CPQ: variants seen among roughly 807,000 people sequenced by gnomAD.
The protein encoded by CPQ is Ser-Met dipeptidase.
CPQ carries 37 observed loss-of-function variants against 45.7 expected under a neutral mutation model. The observed-to-expected ratio is 0.81, with a 90% CI of 0.62 to 1.07. The LOEUF (loss-of-function observed/expected upper bound fraction) is 1.07, where lower values mean the gene tolerates loss of function less well. Ranked by LOEUF, CPQ falls within the 50% of genes least tolerant of loss-of-function variation. The pLI, the probability that CPQ is intolerant of heterozygous loss-of-function variation, is 0.00. For synonymous variants in CPQ, 186 were observed against 205.8 expected, an observed-to-expected ratio of 0.90 and a Z score of 0.82; for missense variants, 537 against 572.9, an observed-to-expected ratio of 0.94 and a Z score of 0.64.
At chr8:96,946,796 T>G (rs2130330906) in intron 4 of CPQ, among the ~76,000 whole-genome samples, 1 of 152,228 alleles carries the variant, frequency 6.6e-6, no homozygotes, top group East Asian at 1.9e-4. Flanking sequence ...AGCTGCTCCC[T>G]TTGGCTGTAG....
At chr8:97,139,999 T>A (rs1812131695) in intron 7 of CPQ, among the ~76,000 whole-genome samples, 1 of 143,176 alleles carries the variant, frequency 7.0e-6, no homozygotes. Flanking sequence ...ACTGACAAAC[T>A]GCAAGCAAGA....
chr8:97,122,334 T>G (rs936523826), intron 7 of CPQ, among the ~76,000 whole-genome samples: 1 of 152,124 alleles, frequency 6.6e-6, no homozygotes, highest in African/African-American at 2.4e-5. Flanking sequence ...ATCACTGATG[T>G]TTTTTGAGAA....
intron 7 of CPQ, among the ~76,000 whole-genome samples, chr8:97,095,497 T>G (rs1811196404): frequency 6.6e-6 from 1 of 152,168 alleles, no homozygotes; most frequent in Non-Finnish European, 1.5e-5. Context: ...TTGCTCCCAG[T>G]TGTCTTCCCA....
At chr8:96,757,015 T>C (rs536905018) in intron 1 of CPQ, among the ~76,000 whole-genome samples, 1 of 152,238 alleles carries the variant, frequency 6.6e-6, no homozygotes, top group East Asian at 1.9e-4. Context: ...TTTTCCCTAA[T>C]CCTTGACTGA....
At chr8:96,926,975 G>A (rs1386868618) in intron 4 of CPQ, among the ~76,000 whole-genome samples, 1 of 152,154 alleles carries the variant, frequency 6.6e-6, no homozygotes, top group African/African-American at 2.4e-5. Context: ...TGACATAAAA[G>A]AATATCTTTG....
At chr8:96,821,733 C>T (rs1186270384) in intron 2 of CPQ, among the ~76,000 whole-genome samples, 1 of 151,848 alleles carries the variant, frequency 6.6e-6, no homozygotes, top group African/African-American at 2.4e-5. Flanking sequence ...TAAATTCTCT[C>T]TCCTTTCTTT....
chr8:97,121,093 A>T (rs986644442), intron 7 of CPQ, among the ~76,000 whole-genome samples: 4 of 150,556 alleles, frequency 2.7e-5, no homozygotes, highest in African/African-American at 9.7e-5. Context: ...AGTGGCACTG[A>T]CTTTATAATT....
chr8:96,769,741 C>T (rs940202026), intron 1 of CPQ, among the ~76,000 whole-genome samples: 29 of 149,862 alleles, frequency 1.9e-4, no homozygotes, highest in East Asian at 1.2e-3. Flanking sequence ...AAACAATTCT[C>T]ACACCTCAGC....
chr8:96,709,716 A>C (rs1009225322), intron 1 of CPQ, among the ~76,000 whole-genome samples: 1 of 152,164 alleles, frequency 6.6e-6, no homozygotes, highest in African/African-American at 2.4e-5. Flanking sequence ...CCATCTCTGC[A>C]TCCTTGGGAT....
At chr8:96,802,123 T>A (rs2130822930) in intron 2 of CPQ, among the ~76,000 whole-genome samples, 1 of 152,296 alleles carries the variant, frequency 6.6e-6, no homozygotes, top group African/African-American at 2.4e-5. Context: ...TGTCTCTTTC[T>A]TTATTTTTGA....
intron 2 of CPQ, among the ~76,000 whole-genome samples, chr8:96,809,158 CTTA>C (rs957254105): frequency 1.3e-5 from 2 of 151,754 alleles, no homozygotes; most frequent in African/African-American, 4.8e-5. Context: ...TAAATATATG[CTTA>C]TTATACATAT....
intron 5 of CPQ, among the ~76,000 whole-genome samples, chr8:96,995,627 AGATCT>A (rs918707599): frequency 3.0e-4 from 45 of 151,774 alleles, no homozygotes; most frequent in Admixed American, 2.7e-3. Context: ...GCTCAGATAA[AGATCT>A]GAGCTGAAAT....
At chr8:97,011,668 A>G (rs1809486674) in intron 5 of CPQ, among the ~76,000 whole-genome samples, 1 of 152,216 alleles carries the variant, frequency 6.6e-6, no homozygotes, top group Non-Finnish European at 1.5e-5. Flanking sequence ...CAGTTTTATT[A>G]TTTGTGAAAC....
At chr8:96,947,105 T>TG (rs1268042679) in intron 4 of CPQ, among the ~76,000 whole-genome samples, 1 of 152,176 alleles carries the variant, frequency 6.6e-6, no homozygotes, top group Non-Finnish European at 1.5e-5. Context: ...GATAAATTCT[T>TG]GGTGAATGCA....
chr8:96,967,918 C>T (rs1411895173), intron 5 of CPQ, among the ~76,000 whole-genome samples: 2 of 152,126 alleles, frequency 1.3e-5, no homozygotes, highest in Non-Finnish European at 2.9e-5. Flanking sequence ...CATAAAGTTG[C>T]TTTGAAAATT....
chr8:96,837,328 C>T (rs879741149), intron 3 of CPQ, among the ~76,000 whole-genome samples: 2 of 152,128 alleles, frequency 1.3e-5, no homozygotes, highest in Admixed American at 1.3e-4. Flanking sequence ...TGGCTTTTGC[C>T]AATACTGAAA....
At position 97,008,130 on chromosome 8, in the gene CPQ, C is replaced by T. The variant is rs537225868; in HGVS notation, c.962-21273C>T. Among the ~76,000 whole-genome samples the T allele has an allele frequency of 5.6e-4, 57 of 102,442 alleles. No individual in the cohort carries two copies. In the South Asian group the frequency reaches 0.017, roughly 30 times the overall value. 67.2% of individuals were successfully genotyped at this position (102,442 alleles called of 152,430 possible). ...TCAAGGCTTGAGGACATGACCTGAC[C>T]TCTTTATTTAAAAAAAAAAATCCAT... On this transcript the variant is annotated intron_variant, in intron 5 of 7. Coordinates refer to ENST00000220763, the MANE Select transcript of CPQ (RefSeq NM_016134.4).
chr8:96,816,050 C>T (rs549313754), intron 2 of CPQ, among the ~76,000 whole-genome samples: 2 of 152,106 alleles, frequency 1.3e-5, no homozygotes, highest in African/African-American at 4.8e-5. Context: ...TAAAATAAGA[C>T]AACAATGAAG....
intron 6 of CPQ, among the ~76,000 whole-genome samples, chr8:97,052,608 A>G (rs757325465): frequency 6.6e-6 from 1 of 152,138 alleles, no homozygotes; most frequent in Non-Finnish European, 1.5e-5. Flanking sequence ...AGTAATGGCC[A>G]AGTTATTTTG....
Sources: allele counts gnomAD v4.1 joint callset (sites outside exome capture counted in the v4.1 genomes callset), GRCh38; gene constraint gnomAD v4.1.1; transcripts MANE v1.5; gene names NCBI Gene and HGNC (gene_info 2026-07-23, HGNC 2026-07-21).